The following RCAN3 variants were observed in gnomAD, a reference collection of about 807,000 sequenced individuals.
The protein encoded by RCAN3 is calcipressin-3.
RCAN3 carries 19 observed loss-of-function variants against 21.9 expected under a neutral mutation model. That is an observed-to-expected ratio of 0.87 (90% confidence interval 0.61 to 1.27). RCAN3 has a LOEUF of 1.27. Ranked by LOEUF, RCAN3 falls within the 50% of genes most tolerant of loss-of-function variation. The probability of loss-of-function intolerance (pLI) is 0.00; values close to 1 mark genes in which losing one functional copy is unlikely to be tolerated. For synonymous variants in RCAN3, 114 were observed against 112.3 expected (o/e 1.01, Z -0.09); for missense variants, 240 against 300.1 (o/e 0.80, Z 1.48).
chr1:24,520,638 C>T (rs1487543964), intron 2 of RCAN3, among the ~76,000 whole-genome samples: 2 of 140,698 alleles, frequency 1.4e-5, no homozygotes, highest in African/African-American at 5.4e-5. Flanking sequence ...ACAATGAGAA[C>T]ACAATGACAC....
Position 24,509,017 on chromosome 1 carries a change from C to T in RCAN3, c.-59-5297C>T, listed in dbSNP as rs991439319. Among the ~76,000 whole-genome samples, 31 of 151,908 alleles carry T rather than the reference C, an allele frequency of 2.0e-4. 1 individual carries two copies. Among genetic ancestry groups the T allele is most frequent in the African/African-American group, 4.8e-5 (2 of 41,348 alleles). On this transcript the variant is annotated intron_variant, in intron 1 of 4. Coordinates refer to ENST00000374395, the MANE Select transcript of RCAN3 (RefSeq NM_013441.4). ...CTCTACAAAGAATACAAAAATTAAC[C>T]GGACATGGTGGTGTGTGCTTGTAGT...
intron 2 of RCAN3, among the ~76,000 whole-genome samples, chr1:24,529,523 C>T (rs576103560): frequency 1.3e-5 from 2 of 148,470 alleles, no homozygotes; most frequent in South Asian, 2.2e-4. Context: ...TGCACTCCAG[C>T]CTGGGTGACA....
chr1:24,524,082 T>A (rs1389516612), intron 2 of RCAN3, among the ~76,000 whole-genome samples: 1 of 151,928 alleles, frequency 6.6e-6, no homozygotes, highest in African/African-American at 2.4e-5. Flanking sequence ...CAAAAGTGAG[T>A]TGGGCATAGT....
intron 4 of RCAN3, among the ~76,000 whole-genome samples, chr1:24,533,827 A>G (rs1649995044): frequency 6.6e-6 from 1 of 152,148 alleles, no homozygotes; most frequent in African/African-American, 2.4e-5. Context: ...AAAATTAAGT[A>G]TTAAATGATG....
intron 1 of RCAN3, among the ~76,000 whole-genome samples, chr1:24,503,849 A>G (rs1244402609): frequency 6.6e-6 from 1 of 152,238 alleles, no homozygotes; most frequent in East Asian, 1.9e-4. Context: ...AGTACACCAC[A>G]TTTATTTGAA....
chr1:24,517,556 C>T (rs996096112), intron 2 of RCAN3, among the ~76,000 whole-genome samples: 1 of 152,172 alleles, frequency 6.6e-6, no homozygotes, highest in Non-Finnish European at 1.5e-5. Flanking sequence ...TGGAAATCAT[C>T]CCAGCAGAAA....
Position 24,522,565 on chromosome 1 carries a change from C to T in RCAN3, c.195+7998C>T, listed in dbSNP as rs186013089. Among the ~76,000 whole-genome samples, 52 of 152,308 alleles carry T rather than the reference C, an allele frequency of 3.4e-4. No individual in the cohort carries two copies. In the East Asian group the frequency reaches 9.3e-3, roughly 27 times the overall value. ...CACAGAGGTGACCAGCTTGAAAACGCGACCTGGAGGGACAGAGAATGGGCT... is the reference window on the plus strand; with the variant it reads ...CACAGAGGTGACCAGCTTGAAAACGTGACCTGGAGGGACAGAGAATGGGCT... On this transcript the variant is annotated intron_variant, in intron 2 of 4. Coordinates refer to ENST00000374395, the MANE Select transcript of RCAN3 (RefSeq NM_013441.4).
At chr1:24,509,100 TACAGTGA>T (rs1647687986) in intron 1 of RCAN3, among the ~76,000 whole-genome samples, 1 of 152,104 alleles carries the variant, frequency 6.6e-6, no homozygotes, top group African/African-American at 2.4e-5. Context: ...AGGTCAAGGC[TACAGTGA>T]ACATGATCAC....
At chr1:24,512,422 G>A (rs1302038780) in intron 1 of RCAN3, among the ~76,000 whole-genome samples, 1 of 151,994 alleles carries the variant, frequency 6.6e-6, no homozygotes, top group East Asian at 1.9e-4. Flanking sequence ...GCTTAGCATT[G>A]TTGAAGAGGA....
intron 2 of RCAN3, among the ~76,000 whole-genome samples, chr1:24,519,916 A>G (rs1281945635): frequency 2.0e-5 from 3 of 152,240 alleles, no homozygotes; most frequent in Non-Finnish European, 4.4e-5. Context: ...GTATAATCAT[A>G]TGCACAATTT....
intron 2 of RCAN3, among the ~76,000 whole-genome samples, chr1:24,523,778 A>G (rs1161739655): frequency 6.6e-6 from 1 of 152,146 alleles, no homozygotes; most frequent in Non-Finnish European, 1.5e-5. Context: ...ATAATGTAAT[A>G]TATTTTGAGA....
intron 1 of RCAN3, among the ~76,000 whole-genome samples, chr1:24,505,661 C>T (rs1264778231): frequency 6.6e-6 from 1 of 151,976 alleles, no homozygotes; most frequent in Non-Finnish European, 1.5e-5. Flanking sequence ...TTTATAAATA[C>T]AGAAAAACCA....
At position 24,530,792 on chromosome 1, in the gene RCAN3, C is replaced by T. The variant is rs1446263488; in HGVS notation, c.196-426C>T. 2.6e-5 allele frequency among the ~76,000 whole-genome samples: 4 copies of T among 152,162 alleles called. No homozygotes were observed. The East Asian group carries it at 7.7e-4, about 29-fold the overall frequency. On this transcript the variant is annotated intron_variant, in intron 2 of 4. Coordinates refer to ENST00000374395, the MANE Select transcript of RCAN3 (RefSeq NM_013441.4). ...TTGGGAGGCCCAGGTGGACAGATCA[C>T]TTGAGGTCAGGAGTTCAAGACCAGC...
intron 2 of RCAN3, among the ~76,000 whole-genome samples, chr1:24,515,209 T>G (rs1648207000): frequency 6.6e-6 from 1 of 152,150 alleles, no homozygotes; most frequent in Non-Finnish European, 1.5e-5. Flanking sequence ...CCTGGGGATC[T>G]TTAGCCGGGC....
intron 2 of RCAN3, among the ~76,000 whole-genome samples, chr1:24,523,601 A>ATTACAC (rs1648993376): frequency 8.4e-6 from 1 of 118,508 alleles, no homozygotes; most frequent in African/African-American, 3.9e-5. Context: ...TATTATTTCT[A>ATTACAC]ATACACACAC....
In RCAN3 at chr1:24,535,365, C is replaced by T; in HGVS notation, c.*88C>T. 7.1e-7 allele frequency: 1 copy of T among 1,407,062 alleles called. No individual in the cohort carries two copies. Among genetic ancestry groups the T allele is most frequent in the Non-Finnish European group, 9.4e-7 (1 of 1,063,926 alleles). The allele number at this position is 1,407,062 out of a possible 1,614,324, so 87.2% of individuals were successfully genotyped here. A position where few individuals can be genotyped will look rare whatever the true frequency, so the allele number is the denominator to read the frequency against. Reference sequence around the variant, plus strand: ...GCGGCCGATGCGTTGCTGCGAACAGCATAGGTGAGACTCTGCCGAGTGAGG... The same window carrying T: ...GCGGCCGATGCGTTGCTGCGAACAGTATAGGTGAGACTCTGCCGAGTGAGG... On this transcript the variant is annotated 3_prime_UTR_variant, in exon 5 of 5. Transcript: ENST00000374395.
Position 24,531,362 on chromosome 1 carries a change from G to C in RCAN3, c.340G>C (p.Gly114Arg). Residue 114 changes from glycine (G) to arginine (R), a missense_variant, in exon 3 of 5, where the codon GGG (glycine) becomes CGG (arginine). Physicochemically the swap from Gly to Arg is moderately radical, Grantham distance 125. Coordinates refer to ENST00000374395, the MANE Select transcript of RCAN3 (RefSeq NM_013441.4). ...AGAACTCCACGAAACAGACTTCAAT[G>C]GGCAGAAGCTAAAGCTATATTTTGC... Reference protein sequence around the residue: ...RIELHETDFNGQKLKLYFAQV... With the variant: ...RIELHETDFNRQKLKLYFAQV... 1 of 1,613,086 alleles carries C rather than the reference G, an allele frequency of 6.2e-7. No individual in the cohort carries two copies. Among genetic ancestry groups the C allele is most frequent in the Non-Finnish European group, 8.5e-7 (1 of 1,179,618 alleles).
chr1:24,512,206 G>A (rs1442716462), intron 1 of RCAN3, among the ~76,000 whole-genome samples: 2 of 152,054 alleles, frequency 1.3e-5, no homozygotes, highest in South Asian at 2.1e-4. Context: ...AAAATTACCC[G>A]GGCATGGTAG....
intron 2 of RCAN3, among the ~76,000 whole-genome samples, chr1:24,527,092 C>T (rs1035391430): frequency 1.3e-5 from 2 of 151,946 alleles, no homozygotes; most frequent in Admixed American, 6.6e-5. Context: ...AGTGCAGTGG[C>T]GTCATTTTGG....
Sources: allele counts gnomAD v4.1 joint callset (sites outside exome capture counted in the v4.1 genomes callset), GRCh38; gene constraint gnomAD v4.1.1; transcripts MANE v1.5; gene names NCBI Gene and HGNC (gene_info 2026-07-23, HGNC 2026-07-21).